Variants in IFT57 observed in about 807,000 individuals in gnomAD.
The protein encoded by IFT57 is intraflagellar transport protein 57 homolog.
In IFT57, 59 loss-of-function variants were observed where a neutral mutation model predicts 56.8. That is an observed-to-expected ratio of 1.04 (90% CI 0.84 to 1.29). IFT57 has a LOEUF of 1.29. Among genes scored for constraint, IFT57 ranks in the 50% most tolerant of loss-of-function variants. The pLI, the probability that IFT57 is intolerant of heterozygous loss-of-function variation, is 0.00. For missense variants in IFT57, 470 were observed against 522.1 expected, an observed-to-expected ratio of 0.90 and a Z score of 0.97; for synonymous variants, 209 against 186.1, an observed-to-expected ratio of 1.12 and a Z score of -1.00.
chr3:108,179,884 A>G (rs2080143080), intron 6 of IFT57, among the ~76,000 whole-genome samples: 1 of 103,222 alleles, frequency 9.7e-6, no homozygotes, highest in African/African-American at 3.8e-5. Flanking sequence ...TTTATGCGTT[A>G]AAGAACTACA....
Position 108,166,022 on chromosome 3 carries a change from T to C in IFT57, c.982-529A>G, listed in dbSNP as rs141627054. Among the ~76,000 whole-genome samples the C allele has an allele frequency of 3.3e-5, 5 of 152,170 alleles. No individual in the cohort carries two copies. The East Asian group carries it at 9.7e-4, about 29-fold the overall frequency. On this transcript the variant is annotated intron_variant, in intron 8 of 10. Transcript: ENST00000264538. Reference sequence around the variant, plus strand: ...AGAGAGTTTTACATCATTTTGATAGTTAAAATATTCATAAGTAATTGTGTA... The same window carrying C: ...AGAGAGTTTTACATCATTTTGATAGCTAAAATATTCATAAGTAATTGTGTA...
At chr3:108,187,913 T>C (rs1350468246) in intron 6 of IFT57, among the ~76,000 whole-genome samples, 2 of 151,926 alleles carry the variant, frequency 1.3e-5, no homozygotes, top group African/African-American at 2.4e-5. Context: ...AAGGTTATTA[T>C]TTTGGCCAAA....
chr3:108,208,504 T>C (rs934223318), intron 4 of IFT57, among the ~76,000 whole-genome samples: 9 of 152,226 alleles, frequency 5.9e-5, no homozygotes, highest in Non-Finnish European at 1.2e-4. Flanking sequence ...GTTACTAGAA[T>C]GAATCAGCAA....
intron 6 of IFT57, among the ~76,000 whole-genome samples, chr3:108,185,365 A>G (rs994577983): frequency 6.6e-6 from 1 of 152,158 alleles, no homozygotes; most frequent in Non-Finnish European, 1.5e-5. Context: ...AAATGTCAAG[A>G]TAACAGGAGA....
intron 8 of IFT57, among the ~76,000 whole-genome samples, chr3:108,165,861 A>G (rs949774524): frequency 5.3e-5 from 8 of 152,046 alleles, no homozygotes; most frequent in African/African-American, 1.9e-4. Flanking sequence ...CCAAAAATCA[A>G]TCAAAGTAGA....
intron 6 of IFT57, among the ~76,000 whole-genome samples, chr3:108,180,312 C>T (rs2080145272): frequency 6.6e-6 from 1 of 151,892 alleles, no homozygotes; most frequent in African/African-American, 2.4e-5. Context: ...GTGAGAGTTT[C>T]CAGGCTTTAG....
intron 3 of IFT57, among the ~76,000 whole-genome samples, chr3:108,215,633 A>G (rs1231903652): frequency 6.6e-6 from 1 of 152,192 alleles, no homozygotes; most frequent in East Asian, 1.9e-4. Flanking sequence ...ATCATCTTAA[A>G]TAATAAATTT....
chr3:108,169,003 T>G (rs2080078058), intron 6 of IFT57, among the ~76,000 whole-genome samples: 1 of 152,084 alleles, frequency 6.6e-6, no homozygotes, highest in African/African-American at 2.4e-5. Flanking sequence ...CCTTTGGGTA[T>G]ACACCCAGTA....
At chr3:108,171,282 A>G (rs1308003194) in intron 6 of IFT57, among the ~76,000 whole-genome samples, 2 of 151,900 alleles carry the variant, frequency 1.3e-5, no homozygotes, top group Non-Finnish European at 2.9e-5. Flanking sequence ...GGTGACAGCA[A>G]GGGGCACACC....
intron 6 of IFT57, among the ~76,000 whole-genome samples, chr3:108,181,366 C>A (rs954084297): frequency 6.6e-6 from 1 of 152,036 alleles, no homozygotes; most frequent in African/African-American, 2.4e-5. Context: ...CCACATGAAA[C>A]AAACAAACAG....
chr3:108,165,554 T>C, intron 8 of IFT57, 61 bp from the exon 9 acceptor site: 1 of 1,311,366 alleles, frequency 7.6e-7, no homozygotes, highest in African/African-American at 1.4e-5. Context: ...TAAATACGAC[T>C]GACCTCTTTG....
At chr3:108,212,601 C>T (rs1025977710) in intron 4 of IFT57, among the ~76,000 whole-genome samples, 67 of 152,172 alleles carry the variant, frequency 4.4e-4, no homozygotes, top group African/African-American at 1.6e-3. Context: ...TTATAACTTA[C>T]CCAGCGCCTC....
intron 5 of IFT57, among the ~76,000 whole-genome samples, chr3:108,192,174 C>CA (rs11347289): frequency 1.4e-3 from 103 of 74,552 alleles, no homozygotes; most frequent in Middle Eastern, 7.7e-3. Context: ...GACTCTGTCT[C>CA]AAAAAAAAAA....
chr3:108,198,030 A>G (rs2080252843), intron 5 of IFT57, among the ~76,000 whole-genome samples: 1 of 152,198 alleles, frequency 6.6e-6, no homozygotes, highest in South Asian at 2.1e-4. Context: ...ACACGGTACT[A>G]GATGCTTTTA....
Position 108,222,093 on chromosome 3 carries a change from G to C in IFT57, c.212+18C>G, listed in dbSNP as rs2080409339. 1.1e-5 allele frequency: 18 copies of C among 1,575,508 alleles called. No individual in the cohort carries two copies. The East Asian group carries it at 4.0e-4, about 35-fold the overall frequency. ...GGGGCTAGCAGGCACCCGGGCGCTC[G>C]GGGACGCCGGCACCCACCTGGACGG... On this transcript the variant is annotated intron_variant, in intron 1 of 10. Transcript: ENST00000264538.
intron 4 of IFT57, among the ~76,000 whole-genome samples, chr3:108,208,489 T>C (rs1187975637): frequency 2.0e-5 from 3 of 152,226 alleles, no homozygotes; most frequent in Non-Finnish European, 4.4e-5. Context: ...AAAGCTTTAA[T>C]AGTAGTTACT....
rs899164319 is a variant in IFT57, at chr3:108,160,958, AT to A, written c.*1518del. 6.6e-6 allele frequency: 1 copy of A among 152,148 alleles called. No homozygotes were observed. Among genetic ancestry groups the A allele is most frequent in the Non-Finnish European group, 1.5e-5 (1 of 68,018 alleles). The allele number at this position is 152,148 out of a possible 1,614,324, so 9.4% of individuals were successfully genotyped here. On this transcript the variant is annotated 3_prime_UTR_variant, in exon 11 of 11. Coordinates refer to ENST00000264538, the MANE Select transcript of IFT57 (RefSeq NM_018010.4). The stretch of plus-strand genomic sequence containing the variant: ...TACTACTCATTGCAAGAATTTTTAG[AT>A]TTTTTACATGTCTGCATAAATAATG...
intron 5 of IFT57, among the ~76,000 whole-genome samples, chr3:108,203,478 C>T (rs118171458): frequency 6.6e-6 from 1 of 152,244 alleles, no homozygotes; most frequent in East Asian, 1.9e-4. Context: ...AAGGTCTAGA[C>T]TTCACTTTAT....
intron 5 of IFT57, among the ~76,000 whole-genome samples, chr3:108,193,342 G>A (rs1278351444): frequency 1.3e-5 from 2 of 152,158 alleles, no homozygotes; most frequent in African/African-American, 4.8e-5. Flanking sequence ...ATAACAGCAA[G>A]TCCTGTTTAG....
Sources: gnomAD v4.1 joint callset for allele counts (sites outside exome capture counted in the v4.1 genomes callset) on GRCh38, gnomAD v4.1.1 for gene constraint, MANE v1.5 for transcripts, NCBI Gene and HGNC (gene_info 2026-07-23, HGNC 2026-07-21) for gene names.